The following TNRC6B variants were observed in gnomAD, a reference collection of about 807,000 sequenced individuals.
TNRC6B encodes the protein trinucleotide repeat-containing gene 6B protein.
In TNRC6B, 52 loss-of-function variants were observed where a neutral mutation model predicts 203.6. That is an observed-to-expected ratio of 0.26 (90% confidence interval 0.20 to 0.32). TNRC6B has a LOEUF of 0.32. Ranked by LOEUF, TNRC6B falls within the 10% of genes least tolerant of loss-of-function variation. The pLI is 1.00. For synonymous variants in TNRC6B, 838 were observed against 845.7 expected (o/e 0.99, Z 0.16); for missense variants, 1,923 against 2,286.2 (o/e 0.84, Z 3.24).
intron 1 of TNRC6B, among the ~76,000 whole-genome samples, chr22:40,097,669 T>TACACACACACACACACACACACACAC (rs6147625): frequency 5.2e-5 from 7 of 135,554 alleles, no homozygotes; most frequent in Non-Finnish European, 9.5e-5. Context: ...AGGTATATCA[T>TACACACACACACACACACACACACAC]ACACACACAC....
intron 3 of TNRC6B, among the ~76,000 whole-genome samples, chr22:40,128,119 A>C (rs988046255): frequency 3.9e-5 from 6 of 152,228 alleles, no homozygotes; most frequent in Admixed American, 2.6e-4. Context: ...TTATACTTGC[A>C]CTAAGTGGAT....
chr22:40,225,528 C>T (rs1250033604), intron 1 of TNRC6B, among the ~76,000 whole-genome samples: 1 of 152,028 alleles, frequency 6.6e-6, no homozygotes, highest in Admixed American at 6.6e-5. Flanking sequence ...CAGGAGTTCA[C>T]GACCAGGCTA....
intron 9 of TNRC6B, among the ~76,000 whole-genome samples, chr22:40,279,350 A>G (rs2070694283): frequency 6.6e-6 from 1 of 152,242 alleles, no homozygotes; most frequent in African/African-American, 2.4e-5. Context: ...TATGAGAATA[A>G]TTAAAACATA....
intron 1 of TNRC6B, among the ~76,000 whole-genome samples, chr22:40,204,724 C>T (rs1228049757): frequency 6.6e-5 from 10 of 152,212 alleles, no homozygotes; most frequent in Non-Finnish European, 8.8e-5. Flanking sequence ...GAGCTGCCTG[C>T]GGCTACTAAG....
intron 1 of TNRC6B, among the ~76,000 whole-genome samples, chr22:40,191,291 C>T (rs890320018): frequency 1.3e-5 from 2 of 152,044 alleles, no homozygotes; most frequent in African/African-American, 2.4e-5. Context: ...GAAGAGTGAT[C>T]GTGAAGATTC....
chr22:40,277,367 C>T (rs1311794181), intron 8 of TNRC6B, among the ~76,000 whole-genome samples: 1 of 152,150 alleles, frequency 6.6e-6, no homozygotes, highest in African/African-American at 2.4e-5. Context: ...AATGTGTAGT[C>T]ATTTTGTCCT....
At chr22:40,292,331 CG>C (rs2070879551) in intron 12 of TNRC6B, among the ~76,000 whole-genome samples, 1 of 143,260 alleles carries the variant, frequency 7.0e-6, no homozygotes, top group African/African-American at 2.6e-5. Context: ...CTAGCCTGGG[CG>C]ACAGAGTGAG....
In TNRC6B at chr22:40,315,332, C is replaced by T; in HGVS notation, c.4728C>T (p.His1576=). Residue 1576 remains histidine (H), a synonymous_variant, in exon 20 of 23, where the codon CAC becomes CAT. Coordinates refer to ENST00000454349, the MANE Select transcript of TNRC6B (RefSeq NM_001162501.2). The part of the protein sequence containing the change: ...KSTWSPDPIG[H]NPTHLSNKMW... ...CATGGTCCCCAGATCCCATAGGACA[C>T]AACCCCACTCATCTCTCCAACAAGA... is the stretch of plus-strand genomic sequence containing the variant. 1 of 1,614,028 alleles carries T rather than the reference C, an allele frequency of 6.2e-7. No homozygotes were observed. The highest frequency in any genetic ancestry group is 8.5e-7 in the Non-Finnish European group (1 of 1,179,896).
chr22:40,244,572 G>A (rs903724813), intron 1 of TNRC6B, among the ~76,000 whole-genome samples: 8 of 151,086 alleles, frequency 5.3e-5, no homozygotes, highest in East Asian at 1.9e-4. Context: ...CTAGATCTCC[G>A]CTTCCCAAAC....
chr22:40,175,768 T>C (rs1386264891), upstream of TNRC6B, among the ~76,000 whole-genome samples: 1 of 152,258 alleles, frequency 6.6e-6, no homozygotes. Context: ...TTTCACTCAG[T>C]GCTAGGCAAA....
intron 1 of TNRC6B, among the ~76,000 whole-genome samples, chr22:40,113,080 C>G (rs963789778): frequency 1.2e-4 from 19 of 152,112 alleles, no homozygotes; most frequent in Admixed American, 1.1e-3. Flanking sequence ...GCACTCCAGC[C>G]TGGGCGACAG....
intron 3 of TNRC6B, among the ~76,000 whole-genome samples, chr22:40,154,896 C>T (rs4820402): frequency 0.37 from 10,744 of 29,134 alleles, 1,262 homozygotes; most frequent in African/African-American, 0.47. Context: ...TATATATATA[C>T]ATATATATAT....
chr22:40,091,202 C>A (rs1295547536), intron 1 of TNRC6B, among the ~76,000 whole-genome samples: 1 of 151,914 alleles, frequency 6.6e-6, no homozygotes, highest in Non-Finnish European at 1.5e-5. Flanking sequence ...CCAGGATGGT[C>A]TCGATCTCCT....
intron 1 of TNRC6B, among the ~76,000 whole-genome samples, chr22:40,225,334 A>G (rs1341989020): frequency 6.6e-6 from 1 of 152,202 alleles, no homozygotes; most frequent in Non-Finnish European, 1.5e-5. Flanking sequence ...ACTCACTAAT[A>G]CAGTCCCTAG....
At chr22:40,201,196 C>T (rs1228685730) in intron 1 of TNRC6B, among the ~76,000 whole-genome samples, 1 of 152,082 alleles carries the variant, frequency 6.6e-6, no homozygotes, top group Non-Finnish European at 1.5e-5. Context: ...ACTTTAGAAT[C>T]TTTAAAAAAA....
intron 5 of TNRC6B, among the ~76,000 whole-genome samples, chr22:40,269,910 T>A (rs1334056097): frequency 9.1e-5 from 12 of 131,950 alleles, no homozygotes; most frequent in African/African-American, 2.7e-4. Context: ...AAAAAAAAAA[T>A]TCCTGGCAGT....
At chr22:40,076,132 C>G (rs1285756780) in intron 1 of TNRC6B, among the ~76,000 whole-genome samples, 1 of 152,162 alleles carries the variant, frequency 6.6e-6, no homozygotes, top group African/African-American at 2.4e-5. Context: ...AAGATTTCTT[C>G]TAGGCTGTGC....
chr22:40,194,142 G>A (rs574496610), intron 1 of TNRC6B, among the ~76,000 whole-genome samples: 4 of 152,316 alleles, frequency 2.6e-5, no homozygotes, highest in African/African-American at 9.6e-5. Context: ...AAAAGAACCA[G>A]GGGCAGGCAA....
At chr22:40,299,555 A>G (rs191680510) in intron 12 of TNRC6B, among the ~76,000 whole-genome samples, 13 of 151,942 alleles carry the variant, frequency 8.6e-5, no homozygotes, top group South Asian at 8.3e-4. Context: ...TCTTTTTTTA[A>G]CCTTTTTATT....
Sources: allele counts gnomAD v4.1 joint callset (sites outside exome capture counted in the v4.1 genomes callset), GRCh38; gene constraint gnomAD v4.1.1; transcripts MANE v1.5; gene names NCBI Gene and HGNC (gene_info 2026-07-23, HGNC 2026-07-21).